Variants in RGPD2 observed in about 807,000 individuals in gnomAD.
RGPD2 encodes the protein RANBP2-like and GRIP domain-containing protein 2.
RGPD2 carries 2 observed loss-of-function variants against 36.0 expected under a neutral mutation model. The ratio of observed to expected loss-of-function variants is 0.06; its 90% CI spans 0.02 to 0.17. The LOEUF (loss-of-function observed/expected upper bound fraction) is 0.17. Ranked by LOEUF, RGPD2 falls within the 10% of genes least tolerant of loss-of-function variation. The pLI is 1.00. For missense variants in RGPD2, 40 were observed against 464.3 expected (o/e 0.09, Z 8.40); for synonymous variants, 19 against 163.8 (o/e 0.12, Z 6.75).
chr2:87,929,475 T>TGTGTGTG, the RGPD2 span, among the ~76,000 whole-genome samples: 10 of 147,380 alleles, frequency 6.8e-5, no homozygotes, highest in Non-Finnish European at 9.0e-5. Flanking sequence ...TTTGTTTTTT[T>TGTGTGTG]TGTGTGTGTG....
chr2:87,831,442 C>T, the RGPD2 span, among the ~76,000 whole-genome samples: 1 of 151,932 alleles, frequency 6.6e-6, no homozygotes, highest in Non-Finnish European at 1.5e-5. Flanking sequence ...TTGACAAATT[C>T]AAGAATATGA....
the RGPD2 span, among the ~76,000 whole-genome samples, chr2:87,881,823 T>C: frequency 0.023 from 2,487 of 107,656 alleles, no homozygotes; most frequent in East Asian, 0.082. Flanking sequence ...AGGAAATACC[T>C]GACACTGGGC....
the RGPD2 span, chr2:87,968,692 C>A: frequency 4.5e-6 from 1 of 221,444 alleles, no homozygotes; most frequent in South Asian, 6.8e-5. Context: ...GGAAACCCAG[C>A]GGGCGCAAGC....
chr2:87,763,129 G>C (rs1198264295), intron 22 of RGPD2, among the ~76,000 whole-genome samples: 2 of 57,790 alleles, frequency 3.5e-5, no homozygotes, highest in African/African-American at 1.5e-4. Context: ...TTACAAATGA[G>C]ATCACTACAA....
chr2:87,877,054 G>C, the RGPD2 span, among the ~76,000 whole-genome samples: 5 of 152,346 alleles, frequency 3.3e-5, no homozygotes, highest in African/African-American at 1.2e-4. Flanking sequence ...CCATTTTCTT[G>C]GTAGATTTTT....
chr2:87,983,162 A>C, the RGPD2 span, among the ~76,000 whole-genome samples: 7 of 151,828 alleles, frequency 4.6e-5, no homozygotes, highest in African/African-American at 1.5e-4. Context: ...TCTACTAAAA[A>C]TACAGAAATT....
chr2:87,961,283 A>G, the RGPD2 span, among the ~76,000 whole-genome samples: 1 of 152,210 alleles, frequency 6.6e-6, no homozygotes, highest in Non-Finnish European at 1.5e-5. Flanking sequence ...CCTGAAAGCC[A>G]CTGACGTAGC....
the RGPD2 span, among the ~76,000 whole-genome samples, chr2:87,876,174 G>C: frequency 6.7e-6 from 1 of 149,878 alleles, no homozygotes; most frequent in Non-Finnish European, 1.5e-5. Flanking sequence ...TTCTGGATTT[G>C]TGGGGTTTTT....
chr2:87,973,674 TAA>T, the RGPD2 span, among the ~76,000 whole-genome samples: 1 of 115,436 alleles, frequency 8.7e-6, no homozygotes, highest in Non-Finnish European at 1.8e-5. Context: ...TTGATCTCAT[TAA>T]AGAGACGTGA....
the RGPD2 span, among the ~76,000 whole-genome samples, chr2:87,943,629 A>C: frequency 6.6e-6 from 1 of 151,924 alleles, no homozygotes; most frequent in Non-Finnish European, 1.5e-5. Context: ...GCTGTGCAGA[A>C]GCTTTTTAGC....
intron 1 of RGPD2, among the ~76,000 whole-genome samples, chr2:87,822,281 G>A (rs1314274182): frequency 5.1e-4 from 77 of 152,166 alleles, no homozygotes; most frequent in African/African-American, 1.6e-3. Context: ...CAGCTTTCAG[G>A]TAAACATCAT....
At chr2:87,967,636 C>T in the RGPD2 span, among the ~76,000 whole-genome samples, 3 of 147,882 alleles carry the variant, frequency 2.0e-5, no homozygotes, top group South Asian at 6.3e-4. Flanking sequence ...CAGAGACAGA[C>T]TATTGCATGA....
intron 1 of RGPD2, among the ~76,000 whole-genome samples, chr2:87,824,699 TGAGGCC>T (rs1164556606): frequency 3.5e-5 from 4 of 114,794 alleles, no homozygotes; most frequent in African/African-American, 1.0e-4. Context: ...GTAAGAGAGG[TGAGGCC>T]GAGGCCGAGG....
the RGPD2 span, among the ~76,000 whole-genome samples, chr2:87,860,430 GAC>G: frequency 6.6e-6 from 1 of 150,682 alleles, no homozygotes; most frequent in African/African-American, 2.4e-5. Flanking sequence ...CAAATACCCT[GAC>G]ATTGGGGATT....
the RGPD2 span, among the ~76,000 whole-genome samples, chr2:87,875,408 C>T: frequency 2.0e-5 from 3 of 152,384 alleles, no homozygotes; most frequent in South Asian, 2.1e-4. Context: ...GAGTTTTTAA[C>T]ATGAAGGGAT....
the RGPD2 span, among the ~76,000 whole-genome samples, chr2:87,913,080 A>G: frequency 6.6e-6 from 1 of 152,166 alleles, no homozygotes; most frequent in African/African-American, 2.4e-5. Context: ...ATAATTATAA[A>G]AATATTTAAA....
chr2:87,924,290 T>G, the RGPD2 span, among the ~76,000 whole-genome samples: 1 of 147,160 alleles, frequency 6.8e-6, no homozygotes, highest in East Asian at 2.0e-4. Flanking sequence ...TACCTTAAGC[T>G]GGGCATTTTA....
the RGPD2 span, among the ~76,000 whole-genome samples, chr2:87,892,137 T>A: frequency 0.019 from 2,842 of 151,914 alleles, 52 homozygotes; most frequent in Non-Finnish European, 0.021. Flanking sequence ...GAATTCTTTT[T>A]TGTGCAAGAT....
the RGPD2 span, among the ~76,000 whole-genome samples, chr2:87,882,848 A>G: frequency 6.6e-6 from 1 of 152,094 alleles, no homozygotes; most frequent in Non-Finnish European, 1.5e-5. Context: ...TTATTGTATT[A>G]TAAATAACAC....
Sources: allele counts gnomAD v4.1 joint callset (sites outside exome capture counted in the v4.1 genomes callset), GRCh38; gene constraint gnomAD v4.1.1; transcripts MANE v1.5; gene names NCBI Gene and HGNC (gene_info 2026-07-23, HGNC 2026-07-21).